PPARGC1A: variants seen among roughly 807,000 people sequenced by gnomAD.
PPARGC1A encodes peroxisome proliferator-activated receptor gamma coactivator 1-alpha.
PPARGC1A carries 25 observed loss-of-function variants against 88.7 expected under a neutral mutation model. The observed-to-expected ratio is 0.28, with a 90% CI of 0.21 to 0.39. The LOEUF (loss-of-function observed/expected upper bound fraction) is 0.39. Ranked by LOEUF, PPARGC1A falls within the 10% of genes least tolerant of loss-of-function variation. The pLI, the probability that PPARGC1A is intolerant of heterozygous loss-of-function variation, is 1.00. For synonymous variants in PPARGC1A, 363 were observed against 355.6 expected (o/e 1.02, Z -0.24); for missense variants, 880 against 968.7 (o/e 0.91, Z 1.22).
At chr4:24,199,500 T>C in the PPARGC1A span, among the ~76,000 whole-genome samples, 24 of 152,240 alleles carry the variant, frequency 1.6e-4, no homozygotes, top group Admixed American at 1.4e-3. Flanking sequence ...GACATTTTAA[T>C]TGAGACTTGG....
the PPARGC1A span, among the ~76,000 whole-genome samples, chr4:24,001,766 CAG>C: frequency 1.2e-3 from 190 of 152,204 alleles, 1 homozygote; most frequent in African/African-American, 4.3e-3. Flanking sequence ...ATCCTGTCTT[CAG>C]AGAGAGCTAA....
chr4:24,131,702 C>T, the PPARGC1A span, among the ~76,000 whole-genome samples: 3 of 152,064 alleles, frequency 2.0e-5, no homozygotes, highest in African/African-American at 7.2e-5. Flanking sequence ...AAAATATAAA[C>T]AAAAATGTGA....
At chr4:23,801,626 A>G in intron 12 of PPARGC1A, 104 bp downstream of exon 12, 1 of 1,257,916 alleles carries the variant, frequency 7.9e-7, no homozygotes, top group Non-Finnish European at 1.1e-6. Flanking sequence ...TCCCTTTAGT[A>G]AAATAAAGTG....
At chr4:24,010,609 C>T in the PPARGC1A span, among the ~76,000 whole-genome samples, 3 of 152,160 alleles carry the variant, frequency 2.0e-5, no homozygotes, top group East Asian at 3.9e-4. Context: ...TAGTCATGCA[C>T]ATCAAACATT....
At chr4:24,452,264 AAC>A in the PPARGC1A span, among the ~76,000 whole-genome samples, 9 of 147,236 alleles carry the variant, frequency 6.1e-5, no homozygotes, top group Admixed American at 2.0e-4. Context: ...CCCACACACA[AAC>A]ACACACACAC....
At chr4:24,055,705 A>G in the PPARGC1A span, among the ~76,000 whole-genome samples, 2 of 152,244 alleles carry the variant, frequency 1.3e-5, no homozygotes, top group African/African-American at 2.4e-5. Flanking sequence ...GCTGCCCCAC[A>G]TCGTAGTTGA....
the PPARGC1A span, among the ~76,000 whole-genome samples, chr4:24,238,745 ATGTGTGTGTGTGTGTGTGTGTGTGTGTG>A: frequency 8.2e-6 from 1 of 121,806 alleles, no homozygotes; most frequent in East Asian, 2.6e-4. Context: ...AAGGTTGTAT[ATGTGTGTGTGTGTGTGTGTGTGTGTGTG>A]TGTGTGTGTG....
the PPARGC1A span, among the ~76,000 whole-genome samples, chr4:24,441,666 TAGGG>T: frequency 1.5e-5 from 2 of 136,684 alleles, no homozygotes; most frequent in South Asian, 2.3e-4. Flanking sequence ...AAGAAGGAAA[TAGGG>T]AGGGAGGAAG....
At chr4:24,178,497 T>A in the PPARGC1A span, among the ~76,000 whole-genome samples, 1 of 152,212 alleles carries the variant, frequency 6.6e-6, no homozygotes, top group Non-Finnish European at 1.5e-5. Flanking sequence ...AGACCTGTAT[T>A]TATTTTTTTA....
the PPARGC1A span, among the ~76,000 whole-genome samples, chr4:24,387,329 A>G: frequency 1.3e-5 from 2 of 152,198 alleles, no homozygotes; most frequent in African/African-American, 4.8e-5. Context: ...GGACATAGAC[A>G]TGGGCAAAGA....
the PPARGC1A span, among the ~76,000 whole-genome samples, chr4:24,329,406 C>T: frequency 6.6e-6 from 1 of 152,112 alleles, no homozygotes; most frequent in Non-Finnish European, 1.5e-5. Flanking sequence ...GTCCTACCTG[C>T]CTCTCCAGCT....
chr4:23,910,998 T>C, the PPARGC1A span, among the ~76,000 whole-genome samples: 1 of 151,990 alleles, frequency 6.6e-6, no homozygotes. Flanking sequence ...TTTTAAATCT[T>C]TACTGTTTAA....
chr4:23,842,082 G>A lies in PPARGC1A; in HGVS notation c.235-10331C>T, dbSNP rs559166277. 5.3e-5 allele frequency among the ~76,000 whole-genome samples: 8 copies of A among 152,194 alleles called. No individual in the cohort carries two copies. The South Asian group carries it at 6.2e-4, about 12-fold the overall frequency. Reference sequence around the variant, plus strand: ...GATATTATTAGAAAAATGAGTGGGCGTGGGCTATTTTATCTTCATATTGGG... The same window carrying A: ...GATATTATTAGAAAAATGAGTGGGCATGGGCTATTTTATCTTCATATTGGG... On this transcript the variant is annotated intron_variant, in intron 2 of 12. Coordinates refer to ENST00000264867, the MANE Select transcript of PPARGC1A (RefSeq NM_013261.5).
chr4:23,975,511 G>A, the PPARGC1A span, among the ~76,000 whole-genome samples: 4 of 151,924 alleles, frequency 2.6e-5, no homozygotes, highest in African/African-American at 4.8e-5. Context: ...TCCGACTTCT[G>A]GGTTCAAGCA....
At chr4:24,367,134 T>C in the PPARGC1A span, among the ~76,000 whole-genome samples, 3 of 152,166 alleles carry the variant, frequency 2.0e-5, no homozygotes, top group Non-Finnish European at 4.4e-5. Flanking sequence ...GGGTTAATGA[T>C]TCGTAATCAC....
chr4:24,314,071 C>A, the PPARGC1A span, among the ~76,000 whole-genome samples: 43,798 of 151,936 alleles, frequency 0.29, 7,029 homozygotes, highest in African/African-American at 0.43. Flanking sequence ...TTAAAGAACA[C>A]CTAAAACAAT....
chr4:23,835,467 TG>T (rs1553886162), intron 2 of PPARGC1A, among the ~76,000 whole-genome samples: 1 of 8,730 alleles, frequency 1.1e-4, no homozygotes, highest in Non-Finnish European at 2.1e-4. Flanking sequence ...CATGGCGGCT[TG>T]TGTGTGTGTG....
the PPARGC1A span, among the ~76,000 whole-genome samples, chr4:24,402,563 A>G: frequency 2.0e-5 from 3 of 152,198 alleles, no homozygotes; most frequent in Admixed American, 6.5e-5. Context: ...GAGGACAGAT[A>G]ATTAAACACC....
At chr4:23,914,529 C>A in the PPARGC1A span, among the ~76,000 whole-genome samples, 2 of 152,202 alleles carry the variant, frequency 1.3e-5, no homozygotes, top group African/African-American at 2.4e-5. Context: ...AAACACACCA[C>A]CTCTAAAACT....
Sources: allele counts gnomAD v4.1 joint callset (sites outside exome capture counted in the v4.1 genomes callset), GRCh38; gene constraint gnomAD v4.1.1; transcripts MANE v1.5; gene names NCBI Gene and HGNC (gene_info 2026-07-23, HGNC 2026-07-21).